The following LRP1B variants were observed in gnomAD, a reference collection of about 807,000 sequenced individuals.
LRP1B encodes the protein LDL receptor related protein 1B.
LRP1B carries 217 observed loss-of-function variants against 556.6 expected under a neutral mutation model. The observed-to-expected ratio is 0.39, with a 90% CI of 0.35 to 0.44. The LOEUF (loss-of-function observed/expected upper bound fraction) is 0.44. Among genes scored for constraint, LRP1B ranks in the 20% least tolerant of loss-of-function variants. LRP1B has a pLI of 1.00. For missense variants in LRP1B, 5,053 were observed against 5,620.8 expected, an observed-to-expected ratio of 0.90 and a Z score of 3.23; for synonymous variants, 2,047 against 1,865.8, an observed-to-expected ratio of 1.10 and a Z score of -2.50.
At chr2:140,677,365 C>T (rs1020856554) in intron 41 of LRP1B, among the ~76,000 whole-genome samples, 4 of 151,802 alleles carry the variant, frequency 2.6e-5, no homozygotes, top group Admixed American at 1.3e-4. Context: ...ATGGGATCCA[C>T]GAAAGAGAGC....
At chr2:140,361,077 A>ATATTTATAG (rs1158652889) in intron 72 of LRP1B, among the ~76,000 whole-genome samples, 4 of 151,020 alleles carry the variant, frequency 2.6e-5, no homozygotes, top group African/African-American at 9.7e-5. Context: ...CTCCCCATTA[A>ATATTTATAG]TATTTATAGT....
At chr2:140,512,696 A>T (rs1359788500) in intron 51 of LRP1B, among the ~76,000 whole-genome samples, 3 of 152,156 alleles carry the variant, frequency 2.0e-5, no homozygotes, top group Non-Finnish European at 4.4e-5. Flanking sequence ...CCAAATCAGA[A>T]TCACTATGTG....
intron 4 of LRP1B, among the ~76,000 whole-genome samples, chr2:141,251,259 C>A (rs937763800): frequency 1.3e-5 from 2 of 151,996 alleles, no homozygotes; most frequent in Admixed American, 6.6e-5. Flanking sequence ...AGTGTTTTAA[C>A]CAGTCTTAAC....
In LRP1B at chr2:141,784,572, A is replaced by G. The variant is rs147606007; in HGVS notation, c.205+25707T>C. Among the ~76,000 whole-genome samples, 13 of 152,050 alleles carry G rather than the reference A, an allele frequency of 8.5e-5. No individual in the cohort carries two copies. In the East Asian group the frequency reaches 1.4e-3, roughly 16 times the overall value. ...GACTGATCTTCAAAAGCCTGTATCTAACCACTCTAGAATCTAGTCTGACTT... is the reference window on the plus strand; with the variant it reads ...GACTGATCTTCAAAAGCCTGTATCTGACCACTCTAGAATCTAGTCTGACTT... On this transcript the variant is annotated intron_variant, in intron 2 of 90. Transcript: ENST00000389484.
At chr2:141,986,124 T>C (rs2105105091) in intron 1 of LRP1B, among the ~76,000 whole-genome samples, 1 of 152,042 alleles carries the variant, frequency 6.6e-6, no homozygotes, top group East Asian at 1.9e-4. Context: ...GGCCCTAAAT[T>C]CTTATTATGT....
intron 12 of LRP1B, among the ~76,000 whole-genome samples, chr2:141,018,681 A>G (rs1331518770): frequency 6.6e-6 from 1 of 152,148 alleles, no homozygotes; most frequent in Non-Finnish European, 1.5e-5. Flanking sequence ...ATGCTGTTTT[A>G]AGATAGATTT....
chr2:140,316,571 T>C (rs1307573225), intron 82 of LRP1B, among the ~76,000 whole-genome samples: 1 of 152,070 alleles, frequency 6.6e-6, no homozygotes, highest in East Asian at 1.9e-4. Context: ...AATAGAAATA[T>C]AAAAAATTAC....
intron 3 of LRP1B, among the ~76,000 whole-genome samples, chr2:141,348,261 A>G (rs1217704264): frequency 2.0e-5 from 3 of 152,062 alleles, no homozygotes; most frequent in African/African-American, 7.2e-5. Context: ...TTAGGTGAAG[A>G]GAGGGTGGAA....
intron 7 of LRP1B, among the ~76,000 whole-genome samples, chr2:141,154,706 A>T (rs763871036): frequency 6.6e-6 from 1 of 151,892 alleles, no homozygotes; most frequent in Non-Finnish European, 1.5e-5. Flanking sequence ...CTGATAATCC[A>T]AGCCAGAATC....
rs1389828569 is a variant in LRP1B, at chr2:141,926,567, AC to A, written c.83-116167del. Among the ~76,000 whole-genome samples the A allele has an allele frequency of 2.0e-5, 3 of 152,176 alleles. No homozygotes were observed. In the East Asian group the frequency reaches 5.8e-4, roughly 29 times the overall value. ...AACCTATTAGATAGCTCACACACCC[AC>A]CTTTCTACATACTTCATATAATCTT... is the stretch of plus-strand genomic sequence containing the variant. On this transcript the variant is annotated intron_variant, in intron 1 of 90. Transcript: ENST00000389484.
intron 1 of LRP1B, among the ~76,000 whole-genome samples, chr2:142,088,174 A>AT (rs952725073): frequency 2.0e-5 from 3 of 152,108 alleles, no homozygotes; most frequent in African/African-American, 7.2e-5. Flanking sequence ...ACTCATGTTC[A>AT]TTTTTAAATT....
At chr2:141,051,766 T>C (rs1052001012) in intron 10 of LRP1B, among the ~76,000 whole-genome samples, 1 of 152,042 alleles carries the variant, frequency 6.6e-6, no homozygotes, top group African/African-American at 2.4e-5. Context: ...ATGTTTGAAT[T>C]GCATGTGTGA....
At chr2:141,532,756 C>A (rs62167939) in intron 2 of LRP1B, among the ~76,000 whole-genome samples, 8,506 of 152,130 alleles carry the variant, frequency 0.056, 282 homozygotes, top group Non-Finnish European at 0.066. Context: ...GAGGTCAAGG[C>A]AGGCAGATCA....
intron 85 of LRP1B, among the ~76,000 whole-genome samples, chr2:140,273,068 G>GC (rs1272364926): frequency 2.6e-5 from 4 of 151,892 alleles, no homozygotes; most frequent in Non-Finnish European, 5.9e-5. Flanking sequence ...AAGAGGGTCT[G>GC]CATCTCCACA....
chr2:141,959,699 T>G (rs1208611876), intron 1 of LRP1B, among the ~76,000 whole-genome samples: 1 of 152,008 alleles, frequency 6.6e-6, no homozygotes. Flanking sequence ...CAATTAAGAT[T>G]TAAATATTAT....
At chr2:141,645,469 CTTTTTTTTTTTT>C (rs750147915) in intron 2 of LRP1B, among the ~76,000 whole-genome samples, 1 of 48,402 alleles carries the variant, frequency 2.1e-5, no homozygotes, top group Non-Finnish European at 3.6e-5. Flanking sequence ...GAAGACAAGG[CTTTTTTTTTTTT>C]TTTTTTTTTT....
chr2:140,628,621 T>G (rs1317352909), intron 41 of LRP1B, among the ~76,000 whole-genome samples: 1 of 151,954 alleles, frequency 6.6e-6, no homozygotes, highest in East Asian at 1.9e-4. Flanking sequence ...ATTAATGATA[T>G]CTGGGTTCGC....
At chr2:141,267,688 T>C (rs1038224047) in intron 3 of LRP1B, among the ~76,000 whole-genome samples, 2 of 152,178 alleles carry the variant, frequency 1.3e-5, no homozygotes, top group Non-Finnish European at 2.9e-5. Flanking sequence ...CAGAGGGACC[T>C]GAGAAAAATA....
At chr2:141,136,335 T>C (rs1701491674) in intron 7 of LRP1B, among the ~76,000 whole-genome samples, 1 of 151,982 alleles carries the variant, frequency 6.6e-6, no homozygotes, top group Admixed American at 6.6e-5. Flanking sequence ...ATCTTCACTG[T>C]TCACTTTCAT....
Sources: gnomAD v4.1 joint callset for allele counts (sites outside exome capture counted in the v4.1 genomes callset) on GRCh38, gnomAD v4.1.1 for gene constraint, MANE v1.5 for transcripts, NCBI Gene and HGNC (gene_info 2026-07-23, HGNC 2026-07-21) for gene names.